SUCLA2: variants seen among roughly 807,000 people sequenced by gnomAD.
SUCLA2 encodes the protein succinate--CoA ligase [ADP-forming] subunit beta, mitochondrial.
Under a neutral mutation model 54.8 loss-of-function variants are expected in SUCLA2, and 30 were observed. The observed-to-expected ratio is 0.55, with a 90% CI of 0.41 to 0.74. The LOEUF (loss-of-function observed/expected upper bound fraction) is 0.74. Among genes scored for constraint, SUCLA2 ranks in the 30% least tolerant of loss-of-function variants. The pLI, the probability that SUCLA2 is intolerant of heterozygous loss-of-function variation, is 0.00. For missense variants in SUCLA2, 476 were observed against 562.9 expected (o/e 0.85, Z 1.56); for synonymous variants, 172 against 188.9 (o/e 0.91, Z 0.74).
intron 4 of SUCLA2, among the ~76,000 whole-genome samples, chr13:47,984,093 C>A (rs568772137): frequency 3.3e-5 from 5 of 152,144 alleles, no homozygotes; most frequent in Non-Finnish European, 5.9e-5. Flanking sequence ...CATGTTCAAA[C>A]GACTTGGCTT....
intron 2 of SUCLA2, among the ~76,000 whole-genome samples, chr13:47,994,120 T>C (rs1425378855): frequency 6.6e-6 from 1 of 150,512 alleles, no homozygotes; most frequent in African/African-American, 2.4e-5. Context: ...TTGCAGAAAG[T>C]CAAAAAGCAA....
At chr13:47,969,971 G>A (rs1238989758) in intron 5 of SUCLA2, among the ~76,000 whole-genome samples, 7 of 151,730 alleles carry the variant, frequency 4.6e-5, no homozygotes, top group East Asian at 1.9e-4. Context: ...GTGTGGTGAC[G>A]CATGCCTGTA....
Position 47,974,402 on chromosome 13 carries a change from T to A in SUCLA2, c.535-1010A>T, listed in dbSNP as rs531579834. On this transcript the variant is annotated intron_variant, in intron 4 of 10. Transcript: ENST00000646932. Reference sequence around the variant, plus strand: ...GGAGTCAAGACCAGCCTGGGCAACATAGTAAGACTCCATTTCTACAAAAAA... The same window carrying A: ...GGAGTCAAGACCAGCCTGGGCAACAAAGTAAGACTCCATTTCTACAAAAAA... Among the ~76,000 whole-genome samples the A allele has an allele frequency of 2.0e-5, 3 of 152,178 alleles. No homozygotes were observed. In the East Asian group the frequency reaches 5.8e-4, roughly 29 times the overall value.
intron 8 of SUCLA2, among the ~76,000 whole-genome samples, chr13:47,949,885 T>TGTTAATTCC (rs1949762806): frequency 2.6e-5 from 4 of 152,298 alleles, no homozygotes; most frequent in Admixed American, 2.6e-4. Context: ...TTACTTTCTC[T>TGTTAATTCC]TGTTAAATTT....
chr13:47,991,086 C>G (rs1010863892), intron 2 of SUCLA2, among the ~76,000 whole-genome samples: 2 of 152,188 alleles, frequency 1.3e-5, no homozygotes, highest in African/African-American at 4.8e-5. Flanking sequence ...AGACTCTGAT[C>G]CCAACCACCA....
At chr13:47,965,791 G>A (rs1336591109) in intron 6 of SUCLA2, among the ~76,000 whole-genome samples, 1 of 152,238 alleles carries the variant, frequency 6.6e-6, no homozygotes, top group Non-Finnish European at 1.5e-5. Flanking sequence ...GCTTGCGCCT[G>A]TAATCCCAGG....
chr13:47,998,601 G>A (rs569169465), intron 1 of SUCLA2, among the ~76,000 whole-genome samples: 2 of 152,224 alleles, frequency 1.3e-5, no homozygotes, highest in East Asian at 1.9e-4. Flanking sequence ...ACACATCGAT[G>A]GATTAATCTC....
At chr13:47,987,995 T>C (rs1950116647) in intron 4 of SUCLA2, 1 of 152,294 alleles carries the variant, frequency 6.6e-6, no homozygotes, top group African/African-American at 2.4e-5. Flanking sequence ...TTAGGTTCCA[T>C]AAAGAGAGGA....
chr13:47,994,588 A>AAC (rs1950176554), intron 2 of SUCLA2, among the ~76,000 whole-genome samples: 1 of 151,688 alleles, frequency 6.6e-6, no homozygotes, highest in East Asian at 1.9e-4. Context: ...AAAAAAAAAA[A>AAC]ACCACGAAAT....
rs370817945 is a variant in SUCLA2, at chr13:47,944,089, TAAATTAGTTAAGA to T, written c.1318-657_1318-645del. 6.7e-3 allele frequency among the ~76,000 whole-genome samples: 1,015 copies of T among 152,236 alleles called. 10 individuals are homozygous for T. The highest frequency in any genetic ancestry group is 0.023 in the African/African-American group (967 of 41,550). On this transcript the variant is annotated intron_variant, in intron 10 of 10. Coordinates refer to ENST00000646932, the MANE Select transcript of SUCLA2 (RefSeq NM_003850.3). ...CAAACTCAGCTTCTCTCTTCCTCAG[TAAATTAGTTAAGA>T]AAAGGCTTTGAAGTTAGATATCTTT...
chr13:47,945,641 G>A (rs554180793), intron 10 of SUCLA2: 1 of 90,936 alleles, frequency 1.1e-5, no homozygotes, highest in East Asian at 3.3e-4. Flanking sequence ...TGGGAAAAGG[G>A]AGACACACAC....
chr13:47,978,049 CAT>C (rs1950031312), intron 4 of SUCLA2, among the ~76,000 whole-genome samples: 1 of 152,160 alleles, frequency 6.6e-6, no homozygotes, highest in Admixed American at 6.5e-5. Context: ...ATTCCATGCT[CAT>C]AGATAGGAAG....
rs866569965 is a variant in SUCLA2, at chr13:47,960,176, T to C, written c.803-5619A>G. On this transcript the variant is annotated intron_variant, in intron 6 of 10. Coordinates refer to ENST00000646932, the MANE Select transcript of SUCLA2 (RefSeq NM_003850.3). ...TTTTTTGCTTCTAATTTTCATTTGT[T>C]TGCTGTTGTTCTCCTGTGGGTTTTG... Among the ~76,000 whole-genome samples the C allele has an allele frequency of 2.0e-5, 3 of 152,198 alleles. No homozygotes were observed. In the South Asian group the frequency reaches 6.2e-4, roughly 32 times the overall value.
chr13:47,970,864 A>C (rs147966587), intron 5 of SUCLA2, among the ~76,000 whole-genome samples: 1,555 of 152,016 alleles, frequency 0.01, 14 homozygotes, highest in South Asian at 0.035. Context: ...CGTCTCAAAA[A>C]AAAAATAATT....
At chr13:47,952,999 T>C (rs1949788495) in intron 8 of SUCLA2, among the ~76,000 whole-genome samples, 1 of 152,132 alleles carries the variant, frequency 6.6e-6, no homozygotes, top group South Asian at 2.1e-4. Context: ...TTTGCCTCTG[T>C]CCTCTGTTCT....
At chr13:47,954,037 A>C in intron 8 of SUCLA2, 103 bp downstream of exon 8, 1 of 1,062,680 alleles carries the variant, frequency 9.4e-7, no homozygotes, top group Non-Finnish European at 1.2e-6. Flanking sequence ...ATTAAAAGAC[A>C]TATATATGAA....
intron 6 of SUCLA2, chr13:47,965,606 G>A (rs1224274017): frequency 2.5e-6 from 1 of 398,218 alleles, no homozygotes; most frequent in East Asian, 3.6e-5. Context: ...TCAAATGGAT[G>A]TGACAACTCA....
At chr13:47,956,174 A>G (rs1949819832) in intron 6 of SUCLA2, among the ~76,000 whole-genome samples, 1 of 152,240 alleles carries the variant, frequency 6.6e-6, no homozygotes, top group East Asian at 1.9e-4. Flanking sequence ...TAAGGATTTA[A>G]GAGAAAATAT....
chr13:47,975,423 T>C (rs2137724765), intron 4 of SUCLA2, among the ~76,000 whole-genome samples: 1 of 152,224 alleles, frequency 6.6e-6, no homozygotes, highest in South Asian at 2.1e-4. Flanking sequence ...AGTGCTGGGA[T>C]TATAGGCATG....
Sources: gnomAD v4.1 joint callset for allele counts (sites outside exome capture counted in the v4.1 genomes callset) on GRCh38, gnomAD v4.1.1 for gene constraint, MANE v1.5 for transcripts, NCBI Gene and HGNC (gene_info 2026-07-23, HGNC 2026-07-21) for gene names.